ATE1: variants seen among roughly 807,000 people sequenced by gnomAD.
The protein encoded by ATE1 is arginyltransferase 1, also known as arginyl-tRNA--protein transferase 1.
A neutral mutation model predicts 70.5 loss-of-function variants in ATE1; 36 were observed. The observed-to-expected ratio is 0.51, with a 90% CI of 0.39 to 0.67. The LOEUF is 0.67. Among genes scored for constraint, ATE1 ranks in the 30% least tolerant of loss-of-function variants. The pLI, the probability that ATE1 is intolerant of heterozygous loss-of-function variation, is 0.00. For synonymous variants in ATE1, 232 were observed against 219.3 expected (o/e 1.06, Z -0.51); for missense variants, 593 against 629.5 (o/e 0.94, Z 0.62).
chr10:121,897,600 G>C (rs1014986447), intron 7 of ATE1, among the ~76,000 whole-genome samples: 5 of 152,100 alleles, frequency 3.3e-5, no homozygotes, highest in Admixed American at 2.0e-4. Flanking sequence ...AGGCCAAGGA[G>C]GAAGACCACA....
chr10:121,747,107 C>T (rs1944403174), intron 11 of ATE1, among the ~76,000 whole-genome samples: 1 of 152,186 alleles, frequency 6.6e-6, no homozygotes, highest in Non-Finnish European at 1.5e-5. Context: ...CTTGGGATGG[C>T]ATGGAGGGAT....
chr10:121,882,269 T>C (rs954145841), intron 7 of ATE1, among the ~76,000 whole-genome samples: 3 of 152,206 alleles, frequency 2.0e-5, no homozygotes, highest in Non-Finnish European at 4.4e-5. Context: ...TTCAGACGAA[T>C]ATTTGAATTA....
intron 11 of ATE1, 145 bp downstream of exon 11, chr10:121,790,024 T>G (rs1240063564): frequency 9.2e-7 from 1 of 1,086,998 alleles, no homozygotes; most frequent in Admixed American, 3.7e-5. Context: ...AGTCTTCCTC[T>G]ATCTTACACA....
intron 10 of ATE1, among the ~76,000 whole-genome samples, chr10:121,833,449 G>C (rs554695785): frequency 6.6e-6 from 1 of 152,270 alleles, no homozygotes; most frequent in East Asian, 1.9e-4. Flanking sequence ...TGGGACACAA[G>C]AAGTTAAATG....
chr10:121,771,820 C>T (rs1447736157), intron 11 of ATE1, among the ~76,000 whole-genome samples: 2 of 152,128 alleles, frequency 1.3e-5, no homozygotes, highest in Non-Finnish European at 2.9e-5. Context: ...AAATTAGCAG[C>T]AAAGAAAATG....
At chr10:121,765,539 G>C (rs1177592998) in intron 11 of ATE1, among the ~76,000 whole-genome samples, 3 of 152,130 alleles carry the variant, frequency 2.0e-5, no homozygotes, top group African/African-American at 7.2e-5. Flanking sequence ...CATATACAAA[G>C]CCTTAAAAAA....
intron 7 of ATE1, among the ~76,000 whole-genome samples, chr10:121,890,141 GA>G (rs771005039): frequency 8.6e-5 from 13 of 151,998 alleles, no homozygotes; most frequent in Non-Finnish European, 1.8e-4. Context: ...GAAAGTTAAG[GA>G]AAAGAAGTCA....
chr10:121,880,864 G>A (rs974613401), intron 7 of ATE1, among the ~76,000 whole-genome samples: 9 of 152,052 alleles, frequency 5.9e-5, no homozygotes, highest in African/African-American at 9.7e-5. Flanking sequence ...TGATTACCAG[G>A]AGGTCATAAA....
chr10:121,868,661 G>C (rs17102704), intron 8 of ATE1, among the ~76,000 whole-genome samples: 11,424 of 152,076 alleles, frequency 0.075, 1,388 homozygotes, highest in African/African-American at 0.26. Context: ...CAGGGAAAAG[G>C]GCTCAAGAGT....
intron 11 of ATE1, among the ~76,000 whole-genome samples, chr10:121,766,292 A>C (rs756690067): frequency 2.0e-5 from 3 of 152,188 alleles, no homozygotes; most frequent in Non-Finnish European, 4.4e-5. Context: ...AGCTAAAATA[A>C]GGGTGATCGT....
At chr10:121,880,414 G>A (rs1950190773) in intron 7 of ATE1, among the ~76,000 whole-genome samples, 1 of 152,008 alleles carries the variant, frequency 6.6e-6, no homozygotes, top group African/African-American at 2.4e-5. Flanking sequence ...CTACCACAGT[G>A]AGTGGAACAT....
In ATE1 at chr10:121,910,801, G is replaced by A. The variant is rs1434405078; in HGVS notation, c.583+105C>T. ...AAAGCAGGGTTCTGTTTTACAGACT[G>A]CACGACTAAGTCATCCTTTTGGCTG... On this transcript the variant is annotated intron_variant, in intron 5 of 11. Coordinates refer to ENST00000224652, the MANE Select transcript of ATE1 (RefSeq NM_001001976.3). 8.8e-6 allele frequency: 13 copies of A among 1,469,496 alleles called. No homozygotes were observed. The East Asian group carries it at 2.5e-4, about 28-fold the overall frequency. The allele number at this position is 1,469,496 out of a possible 1,614,324, so 91.0% of individuals were successfully genotyped here.
At chr10:121,919,497 G>A (rs1951794230) in intron 3 of ATE1, among the ~76,000 whole-genome samples, 1 of 151,988 alleles carries the variant, frequency 6.6e-6, no homozygotes. Flanking sequence ...GGAGGCAGAG[G>A]TTGCAGTGAG....
At chr10:121,899,583 G>C (rs1007268542) in intron 7 of ATE1, among the ~76,000 whole-genome samples, 2 of 152,148 alleles carry the variant, frequency 1.3e-5, no homozygotes, top group South Asian at 4.1e-4. Context: ...TTTTAATTTA[G>C]AGCTCTATTA....
chr10:121,755,435 C>T (rs1309091034), intron 11 of ATE1, among the ~76,000 whole-genome samples: 1 of 152,160 alleles, frequency 6.6e-6, no homozygotes, highest in Non-Finnish European at 1.5e-5. Flanking sequence ...ACGTTAATAA[C>T]TGGGGAGTCT....
chr10:121,880,734 T>G (rs973175953), intron 7 of ATE1, among the ~76,000 whole-genome samples: 1 of 152,266 alleles, frequency 6.6e-6, no homozygotes, highest in African/African-American at 2.4e-5. Flanking sequence ...TCAACTGCTT[T>G]TTAATCATAC....
At chr10:121,886,254 CAAAAAAT>C (rs1950393379) in intron 7 of ATE1, among the ~76,000 whole-genome samples, 1 of 147,232 alleles carries the variant, frequency 6.8e-6, no homozygotes, top group African/African-American at 2.5e-5. Context: ...CCTGCTTCTA[CAAAAAAT>C]AAAAAACAAA....
At chr10:121,828,256 G>C (rs562044984) in intron 10 of ATE1, among the ~76,000 whole-genome samples, 2 of 152,224 alleles carry the variant, frequency 1.3e-5, no homozygotes, top group Non-Finnish European at 2.9e-5. Flanking sequence ...CAGCAAAACA[G>C]AGAATGAAGG....
chr10:121,910,831 A>C (rs887854402), intron 5 of ATE1, 75 bp downstream of exon 5: 1 of 1,594,930 alleles, frequency 6.3e-7, no homozygotes, highest in African/African-American at 1.4e-5. Flanking sequence ...TGGCTGATGG[A>C]AAGACCCAGG....
Sources: gnomAD v4.1 joint callset for allele counts (sites outside exome capture counted in the v4.1 genomes callset) on GRCh38, gnomAD v4.1.1 for gene constraint, MANE v1.5 for transcripts, NCBI Gene and HGNC (gene_info 2026-07-23, HGNC 2026-07-21) for gene names.